The following PCDH15 variants were observed in gnomAD, a reference collection of about 807,000 sequenced individuals.
The protein encoded by PCDH15 is protocadherin-15.
In PCDH15, 129 loss-of-function variants were observed where a neutral mutation model predicts 178.5. The observed-to-expected ratio is 0.72, with a 90% CI of 0.63 to 0.84. The LOEUF (loss-of-function observed/expected upper bound fraction) is 0.84. Among genes scored for constraint, PCDH15 ranks in the 40% least tolerant of loss-of-function variants. The pLI, the probability that PCDH15 is intolerant of heterozygous loss-of-function variation, is 0.00. For missense variants in PCDH15, 2,230 were observed against 2,099.9 expected (o/e 1.06, Z -1.21); for synonymous variants, 800 against 732.0 (o/e 1.09, Z -1.50).
At chr10:54,205,547 A>C (rs2134020519) in intron 10 of PCDH15, among the ~76,000 whole-genome samples, 1 of 139,456 alleles carries the variant, frequency 7.2e-6, no homozygotes, top group Non-Finnish European at 1.6e-5. Context: ...GACTGTGAAT[A>C]ACCTGTGCTC....
intron 15 of PCDH15, among the ~76,000 whole-genome samples, chr10:54,101,499 A>G (rs1177750865): frequency 6.6e-6 from 1 of 152,236 alleles, no homozygotes; most frequent in African/African-American, 2.4e-5. Flanking sequence ...GCAAATTAAT[A>G]GATCAAACAC....
At chr10:54,403,073 G>C (rs1477194541) in intron 3 of PCDH15, among the ~76,000 whole-genome samples, 1 of 152,028 alleles carries the variant, frequency 6.6e-6, no homozygotes, top group East Asian at 1.9e-4. Context: ...TGCTATTCTA[G>C]TGAATGCACA....
intron 26 of PCDH15, among the ~76,000 whole-genome samples, chr10:53,893,410 G>A (rs1237958872): frequency 6.6e-6 from 1 of 152,120 alleles, no homozygotes; most frequent in Non-Finnish European, 1.5e-5. Context: ...TGCAACATAT[G>A]TTAAACAGGT....
chr10:55,510,460 T>C (rs921160138), intron 2 of PCDH15, among the ~76,000 whole-genome samples: 1 of 152,018 alleles, frequency 6.6e-6, no homozygotes, highest in African/African-American at 2.4e-5. Context: ...CTAGCTAACG[T>C]GTTTTTCTCC....
chr10:54,254,494 A>G (rs540031889), intron 8 of PCDH15, among the ~76,000 whole-genome samples: 2 of 152,248 alleles, frequency 1.3e-5, no homozygotes, highest in South Asian at 2.1e-4. Flanking sequence ...AGCATGTATA[A>G]TAACCACCAA....
intron 2 of PCDH15, among the ~76,000 whole-genome samples, chr10:55,597,584 T>A (rs962905053): frequency 1.3e-5 from 2 of 152,210 alleles, no homozygotes; most frequent in African/African-American, 4.8e-5. Context: ...TTAATACTTA[T>A]ATAATACTTC....
intron 2 of PCDH15, among the ~76,000 whole-genome samples, chr10:55,131,800 A>C (rs1342168744): frequency 1.3e-5 from 2 of 152,112 alleles, no homozygotes; most frequent in Non-Finnish European, 2.9e-5. Context: ...GGGAGAAAGT[A>C]CATGCTGATT....
intron 2 of PCDH15, among the ~76,000 whole-genome samples, chr10:55,419,789 C>T (rs956708405): frequency 2.0e-5 from 3 of 151,466 alleles, no homozygotes; most frequent in African/African-American, 7.3e-5. Context: ...TACTTGGCAA[C>T]ATGATCACAT....
At chr10:55,627,846 C>T (rs1837564738) in intron 1 of PCDH15, 1 of 152,408 alleles carries the variant, frequency 6.6e-6, no homozygotes, top group African/African-American at 2.4e-5. Context: ...AAGGTTCCGG[C>T]TCCTCTTCTG....
chr10:54,376,450 A>G (rs1948448040), intron 4 of PCDH15, among the ~76,000 whole-genome samples: 1 of 150,864 alleles, frequency 6.6e-6, no homozygotes, highest in Non-Finnish European at 1.5e-5. Context: ...ACATATATGA[A>G]TATCATAGTA....
intron 2 of PCDH15, among the ~76,000 whole-genome samples, chr10:54,900,044 T>C (rs1044718463): frequency 2.0e-5 from 3 of 152,148 alleles, no homozygotes; most frequent in African/African-American, 7.2e-5. Flanking sequence ...TTAAAACATA[T>C]ACACCCACAA....
intron 2 of PCDH15, among the ~76,000 whole-genome samples, chr10:55,076,376 C>A (rs1370565299): frequency 6.7e-6 from 1 of 149,774 alleles, no homozygotes; most frequent in African/African-American, 2.4e-5. Flanking sequence ...CTCTATAAAT[C>A]TGGGTTCTCC....
intron 1 of PCDH15, among the ~76,000 whole-genome samples, chr10:54,748,723 A>C (rs1244618443): frequency 6.6e-6 from 1 of 152,190 alleles, no homozygotes; most frequent in Non-Finnish European, 1.5e-5. Flanking sequence ...TCAACACTGT[A>C]CCAGAAATCT....
chr10:55,368,429 A>C (rs941769695), intron 2 of PCDH15, among the ~76,000 whole-genome samples: 1 of 152,082 alleles, frequency 6.6e-6, no homozygotes, highest in Non-Finnish European at 1.5e-5. Context: ...TTTTCTTATA[A>C]ATCACTTAAA....
Position 55,198,245 on chromosome 10 carries a change from C to T in PCDH15, c.-155-31594G>A, listed in dbSNP as rs138220283. Among the ~76,000 whole-genome samples, 1,493 of 152,210 alleles carry T rather than the reference C, an allele frequency of 9.8e-3. 19 individuals carry two copies. The highest frequency in any genetic ancestry group is 0.031 in the South Asian group (149 of 4,824). On this transcript the variant is annotated intron_variant, in intron 1 of 5. Coordinates refer to the PCDH15 transcript ENST00000458638. The stretch of plus-strand genomic sequence containing the variant: ...AAGTAGTTCTACTGAGTAGAATTTA[C>T]GTTGCAGCTTGATATGGTTTGGCTC...
At position 53,940,894 on chromosome 10, in the gene PCDH15, C is replaced by A; in HGVS notation, c.3204G>T (p.Val1068=). 3.1e-6 allele frequency: 5 copies of A among 1,613,188 alleles called. No homozygotes were observed. Among genetic ancestry groups the A allele is most frequent in the Non-Finnish European group, 4.2e-6 (5 of 1,179,206 alleles). Reference sequence around the variant, plus strand: ...CTTCATTTCCTGAAACAATGGAGTACACAATACTTTGATTAATGGCAGCAG... The same window carrying A: ...CTTCATTTCCTGAAACAATGGAGTAAACAATACTTTGATTAATGGCAGCAG... ...ISAAAINQSI[V]YSIVSGNEED... The change falls in exon 24 of 38, where the codon GTG becomes GTT. Residue 1068 remains valine (V), a synonymous_variant. Coordinates refer to ENST00000644397, the MANE Select transcript of PCDH15 (RefSeq NM_001384140.1).
At position 54,590,447 on chromosome 10, in the gene PCDH15, C is replaced by T. The variant is rs184983277; in HGVS notation, c.92-62570G>A. Among the ~76,000 whole-genome samples the T allele has an allele frequency of 1.3e-4, 20 of 152,188 alleles. No individual in the cohort carries two copies. In the South Asian group the frequency reaches 1.7e-3, roughly 13 times the overall value. Reference sequence around the variant, plus strand: ...TTTTCTGCGTTCCATCATTTATTAGCGCCAATATATAAATGGTTATTTAGA... The same window carrying T: ...TTTTCTGCGTTCCATCATTTATTAGTGCCAATATATAAATGGTTATTTAGA... On this transcript the variant is annotated intron_variant, in intron 2 of 37. Transcript: ENST00000644397.
intron 3 of PCDH15, among the ~76,000 whole-genome samples, chr10:54,852,677 C>A (rs1458849965): frequency 6.6e-6 from 1 of 150,816 alleles, no homozygotes; most frequent in Non-Finnish European, 1.5e-5. Flanking sequence ...ATGGTGAAAC[C>A]CCGTTTCTAC....
chr10:54,499,643 A>G (rs1474091164), intron 3 of PCDH15, among the ~76,000 whole-genome samples: 1 of 152,188 alleles, frequency 6.6e-6, no homozygotes, highest in Non-Finnish European at 1.5e-5. Context: ...AAGATACAAT[A>G]TGCCAGAATC....
Sources: gnomAD v4.1 joint callset for allele counts (sites outside exome capture counted in the v4.1 genomes callset) on GRCh38, gnomAD v4.1.1 for gene constraint, MANE v1.5 for transcripts, NCBI Gene and HGNC (gene_info 2026-07-23, HGNC 2026-07-21) for gene names.